Variants in PLCL1 observed in about 807,000 individuals in gnomAD.
The protein encoded by PLCL1 is inactive phospholipase C-like protein 1.
In PLCL1, 41 loss-of-function variants were observed where a neutral mutation model predicts 84.4. That is an observed-to-expected ratio of 0.49 (90% CI 0.38 to 0.63). The LOEUF (loss-of-function observed/expected upper bound fraction) is 0.63. Among genes scored for constraint, PLCL1 ranks in the 30% least tolerant of loss-of-function variants. The pLI is 0.00. For synonymous variants in PLCL1, 490 were observed against 488.3 expected (o/e 1.00, Z -0.05); for missense variants, 1,206 against 1,367.8 (o/e 0.88, Z 1.87).
intron 1 of PLCL1, among the ~76,000 whole-genome samples, chr2:198,010,678 A>G (rs1315623988): frequency 6.6e-6 from 1 of 151,514 alleles, no homozygotes; most frequent in African/African-American, 2.4e-5. Context: ...ATGAGTTTGG[A>G]ATTGTTCTCT....
intron 1 of PLCL1, among the ~76,000 whole-genome samples, chr2:198,073,751 T>A (rs1692515271): frequency 6.6e-6 from 1 of 152,186 alleles, no homozygotes; most frequent in African/African-American, 2.4e-5. Context: ...AATTTAAATG[T>A]CAGTTTTACA....
intron 1 of PLCL1, among the ~76,000 whole-genome samples, chr2:197,854,285 C>A (rs1378178037): frequency 1.3e-5 from 2 of 152,144 alleles, no homozygotes; most frequent in East Asian, 3.8e-4. Flanking sequence ...TTAACTCTAC[C>A]TTTTCCCAAC....
At chr2:197,828,538 T>A (rs1274436057) in intron 1 of PLCL1, among the ~76,000 whole-genome samples, 1 of 152,106 alleles carries the variant, frequency 6.6e-6, no homozygotes, top group African/African-American at 2.4e-5. Context: ...AGTGTGGCTT[T>A]TGAAAAAATA....
intron 1 of PLCL1, among the ~76,000 whole-genome samples, chr2:197,828,363 A>G (rs993625191): frequency 6.6e-6 from 1 of 152,130 alleles, no homozygotes; most frequent in African/African-American, 2.4e-5. Context: ...TTGTTTTACT[A>G]ACAGTAAAAA....
At chr2:197,902,524 G>A (rs144238012) in intron 1 of PLCL1, among the ~76,000 whole-genome samples, 7 of 152,270 alleles carry the variant, frequency 4.6e-5, no homozygotes, top group South Asian at 2.1e-4. Flanking sequence ...GAAAAAGTTT[G>A]AGGAGAAAAT....
chr2:197,980,308 A>G (rs1421307811), intron 1 of PLCL1, among the ~76,000 whole-genome samples: 1 of 152,242 alleles, frequency 6.6e-6, no homozygotes, highest in Non-Finnish European at 1.5e-5. Context: ...TCAAGAGCTC[A>G]GGAGAGGAAG....
At chr2:197,845,659 A>G (rs983058550) in intron 1 of PLCL1, among the ~76,000 whole-genome samples, 1 of 152,090 alleles carries the variant, frequency 6.6e-6, no homozygotes, top group African/African-American at 2.4e-5. Flanking sequence ...CTCCATCCTA[A>G]AACTCTGATT....
chr2:197,951,266 C>T (rs1261129113), intron 1 of PLCL1, among the ~76,000 whole-genome samples: 1 of 152,146 alleles, frequency 6.6e-6, no homozygotes, highest in Non-Finnish European at 1.5e-5. Flanking sequence ...AGCCCTTCCT[C>T]CAGCCTTTCT....
Position 197,804,926 on chromosome 2 carries a change from C to T in PLCL1, c.-174C>T. 5 of 629,914 alleles carry T rather than the reference C, an allele frequency of 7.9e-6. No individual in the cohort carries two copies. The South Asian group carries it at 1.1e-4, about 14-fold the overall frequency. The allele number at this position is 629,914 out of a possible 1,614,324, so 39.0% of individuals were successfully genotyped here. ...GAGGACGTCTCTGCCCGAGCGATGT[C>T]CCCTCTCCAGAAAGTTGCCGCCGCC... On this transcript the variant is annotated 5_prime_UTR_variant, in exon 1 of 6. Transcript: ENST00000428675.
intron 1 of PLCL1, among the ~76,000 whole-genome samples, chr2:197,904,831 T>A (rs1307633892): frequency 1.3e-5 from 2 of 152,212 alleles, no homozygotes; most frequent in Non-Finnish European, 2.9e-5. Context: ...TTGCATATAA[T>A]AAAAATTTCA....
intron 1 of PLCL1, among the ~76,000 whole-genome samples, chr2:197,967,980 C>T (rs1448961908): frequency 1.7e-4 from 26 of 152,096 alleles, no homozygotes; most frequent in Admixed American, 1.7e-3. Flanking sequence ...TAGTAGCTTC[C>T]CCCTGGTGAT....
At chr2:197,885,447 C>T (rs753544575) in intron 1 of PLCL1, among the ~76,000 whole-genome samples, 2 of 152,138 alleles carry the variant, frequency 1.3e-5, no homozygotes, top group Admixed American at 6.5e-5. Flanking sequence ...CCTCTTTCTT[C>T]CATGTTTTGT....
At chr2:197,841,652 T>C (rs2105669598) in intron 1 of PLCL1, among the ~76,000 whole-genome samples, 1 of 152,364 alleles carries the variant, frequency 6.6e-6, no homozygotes, top group South Asian at 2.1e-4. Flanking sequence ...GTTTTGGCAA[T>C]TATGCATGAA....
rs368332576 is a variant in PLCL1, at chr2:198,100,662, G to A, written c.2920-623G>A. 2.8e-4 allele frequency among the ~76,000 whole-genome samples: 42 copies of A among 152,228 alleles called. 5 individuals are homozygous for A. Among genetic ancestry groups the A allele is most frequent in the Admixed American group, 2.3e-3 (35 of 15,276 alleles). On this transcript the variant is annotated intron_variant, in intron 3 of 5. Transcript: ENST00000428675. ...AGGAATTAGTACTGTAGTTTTGGAT[G>A]ATGATTCTGGAAGTGGTACTTAGGA...
intron 1 of PLCL1, among the ~76,000 whole-genome samples, chr2:198,078,442 G>T (rs2105891415): frequency 6.6e-6 from 1 of 152,250 alleles, no homozygotes; most frequent in Admixed American, 6.5e-5. Context: ...TGTATAGGTT[G>T]TATATATGAA....
intron 1 of PLCL1, among the ~76,000 whole-genome samples, chr2:198,002,658 A>G (rs921187479): frequency 2.0e-4 from 31 of 152,234 alleles, no homozygotes; most frequent in Non-Finnish European, 4.6e-4. Flanking sequence ...TCTTATGCAT[A>G]TAAACTCAGA....
chr2:198,040,788 A>G (rs1574267148), intron 1 of PLCL1, among the ~76,000 whole-genome samples: 1 of 152,218 alleles, frequency 6.6e-6, no homozygotes, highest in African/African-American at 2.4e-5. Context: ...CCTGAGATTC[A>G]TGGATTGAAG....
At chr2:197,884,652 G>T (rs1687886247) in intron 1 of PLCL1, among the ~76,000 whole-genome samples, 1 of 152,088 alleles carries the variant, frequency 6.6e-6, no homozygotes, top group Non-Finnish European at 1.5e-5. Flanking sequence ...AAAATTTGAG[G>T]TTCATTCACC....
At chr2:198,055,365 A>G (rs201720465) in intron 1 of PLCL1, among the ~76,000 whole-genome samples, 22 of 128,716 alleles carry the variant, frequency 1.7e-4, no homozygotes, top group South Asian at 2.8e-4. Flanking sequence ...GAGAGAGAGA[A>G]AGAGAGAGAG....
Sources: gnomAD v4.1 joint callset for allele counts (sites outside exome capture counted in the v4.1 genomes callset) on GRCh38, gnomAD v4.1.1 for gene constraint, MANE v1.5 for transcripts, NCBI Gene and HGNC (gene_info 2026-07-23, HGNC 2026-07-21) for gene names.